CMTM8: variants seen among roughly 807,000 people sequenced by gnomAD.
The protein encoded by CMTM8 is CKLF-like MARVEL transmembrane domain-containing protein 8.
Under a neutral mutation model 18.6 loss-of-function variants are expected in CMTM8, and 12 were observed. The ratio of observed to expected loss-of-function variants is 0.65; its 90% CI spans 0.41 to 1.05. The LOEUF is 1.05. Among genes scored for constraint, CMTM8 ranks in the 50% least tolerant of loss-of-function variants. The pLI is 0.00. For synonymous variants in CMTM8, 87 were observed against 90.6 expected (o/e 0.96, Z 0.23); for missense variants, 217 against 227.2 (o/e 0.95, Z 0.29).
At chr3:32,287,744 G>A (rs1426907311) in intron 1 of CMTM8, among the ~76,000 whole-genome samples, 2 of 152,092 alleles carry the variant, frequency 1.3e-5, no homozygotes, top group Non-Finnish European at 2.9e-5. Context: ...TTATGTGTCC[G>A]CCATTATTTA....
chr3:32,278,423 C>T (rs911249879), intron 1 of CMTM8, among the ~76,000 whole-genome samples: 1 of 152,154 alleles, frequency 6.6e-6, no homozygotes, highest in African/African-American at 2.4e-5. Flanking sequence ...TCCAGTCTTC[C>T]CGTAATTGAG....
Position 32,367,938 on chromosome 3 carries a change from G to A in CMTM8, c.388G>A (p.Val130Ile), listed in dbSNP as rs149787700. The A allele has an allele frequency of 5.4e-5, 87 of 1,613,934 alleles. No homozygotes were observed. Among genetic ancestry groups the A allele is most frequent in the Non-Finnish European group, 6.4e-5 (76 of 1,179,970 alleles). ...TGCCGCTGTTGTAGATGCATCTTCC[G>A]TCTCCCCTGAGAGGGACAGTCACAA... is the stretch of plus-strand genomic sequence containing the variant. Reference protein sequence around the residue: ...LSAAVVDASSVSPERDSHNFN... With the variant: ...LSAAVVDASSISPERDSHNFN... Residue 130 changes from valine (V) to isoleucine (I), a missense_variant, in exon 3 of 4, where the codon GTC becomes ATC. Physicochemically the swap from Val to Ile is conservative, Grantham distance 29. Coordinates refer to ENST00000307526, the MANE Select transcript of CMTM8 (RefSeq NM_178868.5).
chr3:32,363,599 G>A (rs1696976285), intron 2 of CMTM8, among the ~76,000 whole-genome samples: 1 of 152,214 alleles, frequency 6.6e-6, no homozygotes, highest in African/African-American at 2.4e-5. Context: ...CACAGACGAA[G>A]CAGCTGAAGA....
chr3:32,293,439 T>C (rs890287102), intron 1 of CMTM8, among the ~76,000 whole-genome samples: 2 of 152,254 alleles, frequency 1.3e-5, no homozygotes, highest in Non-Finnish European at 2.9e-5. Context: ...TCCCAGCTAC[T>C]TGGAAGGCTG....
intron 1 of CMTM8, among the ~76,000 whole-genome samples, chr3:32,273,353 T>C (rs111383275): frequency 0.016 from 2,404 of 152,246 alleles, 42 homozygotes; most frequent in Middle Eastern, 0.051. Flanking sequence ...CACACATATA[T>C]ATATACATAC....
chr3:32,311,531 C>G (rs1484241791), intron 1 of CMTM8, among the ~76,000 whole-genome samples: 1 of 152,218 alleles, frequency 6.6e-6, no homozygotes, highest in Non-Finnish European at 1.5e-5. Flanking sequence ...CTTTGTGGAC[C>G]CTTGTGACTA....
At chr3:32,298,852 TAC>T (rs1229919377) in intron 1 of CMTM8, among the ~76,000 whole-genome samples, 16 of 140,058 alleles carry the variant, frequency 1.1e-4, no homozygotes, top group South Asian at 2.2e-4. Context: ...TGTGTGTATA[TAC>T]ACACACACAT....
chr3:32,332,797 C>T (rs571099885), intron 1 of CMTM8, among the ~76,000 whole-genome samples: 14 of 152,114 alleles, frequency 9.2e-5, no homozygotes, highest in Non-Finnish European at 2.1e-4. Context: ...AAAGAGTTAC[C>T]TTCCCCACCC....
chr3:32,324,454 T>C (rs1458087278), intron 1 of CMTM8, among the ~76,000 whole-genome samples: 1 of 152,212 alleles, frequency 6.6e-6, no homozygotes, highest in African/African-American at 2.4e-5. Flanking sequence ...AGGAAGGTTT[T>C]TTGTCTACAG....
At chr3:32,355,498 G>A (rs1331186194) in intron 1 of CMTM8, among the ~76,000 whole-genome samples, 1 of 152,062 alleles carries the variant, frequency 6.6e-6, no homozygotes, top group East Asian at 1.9e-4. Context: ...GATATTCACT[G>A]CCACCATATT....
intron 1 of CMTM8, chr3:32,260,290 T>A: frequency 1.2e-6 from 1 of 803,994 alleles, no homozygotes. Context: ...TCAGAGGTCA[T>A]TGGAAAAAAA....
intron 1 of CMTM8, among the ~76,000 whole-genome samples, chr3:32,317,072 G>C (rs1209802591): frequency 2.0e-5 from 3 of 152,210 alleles, no homozygotes; most frequent in Non-Finnish European, 4.4e-5. Flanking sequence ...TCAAGGGAAA[G>C]GGTGAAGTGC....
At chr3:32,271,841 A>G (rs1014896989) in intron 1 of CMTM8, among the ~76,000 whole-genome samples, 1 of 152,222 alleles carries the variant, frequency 6.6e-6, no homozygotes, top group African/African-American at 2.4e-5. Flanking sequence ...ACAAATACAA[A>G]GACCTCAGAA....
intron 1 of CMTM8, among the ~76,000 whole-genome samples, chr3:32,354,019 A>C (rs914010149): frequency 2.6e-5 from 4 of 152,046 alleles, no homozygotes; most frequent in Admixed American, 2.6e-4. Context: ...TCTTGACCTC[A>C]TGATCCGCCC....
At chr3:32,289,203 A>G (rs541279806) in intron 1 of CMTM8, among the ~76,000 whole-genome samples, 1 of 152,358 alleles carries the variant, frequency 6.6e-6, no homozygotes, top group East Asian at 1.9e-4. Flanking sequence ...ACGATAACGG[A>G]TCTAATTTTT....
intron 2 of CMTM8, among the ~76,000 whole-genome samples, chr3:32,364,017 G>A (rs1218929713): frequency 1.3e-5 from 2 of 152,164 alleles, no homozygotes; most frequent in Non-Finnish European, 2.9e-5. Flanking sequence ...TGTGGTAATA[G>A]GGACTAGAGA....
intron 1 of CMTM8, among the ~76,000 whole-genome samples, chr3:32,308,234 A>G (rs1026658556): frequency 6.6e-6 from 1 of 152,230 alleles, no homozygotes; most frequent in African/African-American, 2.4e-5. Flanking sequence ...TGCTTTCCAC[A>G]GCATCAGAAA....
At chr3:32,311,867 T>C (rs1304906620) in intron 1 of CMTM8, among the ~76,000 whole-genome samples, 1 of 152,192 alleles carries the variant, frequency 6.6e-6, no homozygotes, top group African/African-American at 2.4e-5. Context: ...AGGAAGAAAC[T>C]GAGGCAAATT....
At chr3:32,259,901 A>G in intron 1 of CMTM8, 3 of 1,010,332 alleles carry the variant, frequency 3.0e-6, no homozygotes, top group Non-Finnish European at 4.6e-6. Context: ...CAGCCTGGAG[A>G]ACAGCCTGAG....
Sources: gnomAD v4.1 joint callset for allele counts (sites outside exome capture counted in the v4.1 genomes callset) on GRCh38, gnomAD v4.1.1 for gene constraint, MANE v1.5 for transcripts, NCBI Gene and HGNC (gene_info 2026-07-23, HGNC 2026-07-21) for gene names.